PLCB4: variants seen among roughly 807,000 people sequenced by gnomAD.
PLCB4 encodes the protein phospholipase C beta 4, also known as 1-phosphatidylinositol 4,5-bisphosphate phosphodiesterase beta-4.
PLCB4 carries 77 observed loss-of-function variants against 178.8 expected under a neutral mutation model. The ratio of observed to expected loss-of-function variants is 0.43; its 90% CI spans 0.36 to 0.52. The LOEUF (loss-of-function observed/expected upper bound fraction) is 0.52. Among genes scored for constraint, PLCB4 ranks in the 20% least tolerant of loss-of-function variants. The pLI, the probability that PLCB4 is intolerant of heterozygous loss-of-function variation, is 0.00. For synonymous variants in PLCB4, 496 were observed against 490.8 expected (o/e 1.01, Z -0.14); for missense variants, 1,024 against 1,453.4 (o/e 0.70, Z 4.80).
intron 2 of PLCB4, among the ~76,000 whole-genome samples, chr20:9,104,504 C>T (rs1453726932): frequency 6.6e-6 from 1 of 152,122 alleles, no homozygotes; most frequent in African/African-American, 2.4e-5. Context: ...CAGTCCTTCT[C>T]ACCCGCAAAT....
chr20:9,137,321 C>T (rs533276624), intron 2 of PLCB4, among the ~76,000 whole-genome samples: 2 of 152,042 alleles, frequency 1.3e-5, no homozygotes, highest in Non-Finnish European at 2.9e-5. Flanking sequence ...TGAAATGAAA[C>T]AGCTAGAGAT....
At chr20:9,216,016 A>C (rs935664415) in intron 2 of PLCB4, among the ~76,000 whole-genome samples, 1 of 152,142 alleles carries the variant, frequency 6.6e-6, no homozygotes, top group Non-Finnish European at 1.5e-5. Context: ...TGAATGTACC[A>C]ACCTACCTGA....
chr20:9,380,360 T>C (rs2037038830), intron 13 of PLCB4, among the ~76,000 whole-genome samples, 198 bp downstream of exon 13: 2 of 152,204 alleles, frequency 1.3e-5, no homozygotes, highest in Admixed American at 1.3e-4. Flanking sequence ...TGAAGTATAC[T>C]GTTACATTTA....
At chr20:9,264,691 A>T (rs1310375744) in intron 3 of PLCB4, among the ~76,000 whole-genome samples, 1 of 152,186 alleles carries the variant, frequency 6.6e-6, no homozygotes, top group Non-Finnish European at 1.5e-5. Context: ...GGCATGTGGA[A>T]GTATTTGGAA....
At chr20:9,390,352 CCTT>C (rs2038040490) in intron 16 of PLCB4, among the ~76,000 whole-genome samples, 176 bp from the exon 17 acceptor site, 1 of 152,262 alleles carries the variant, frequency 6.6e-6, no homozygotes, top group Middle Eastern at 3.4e-3. Flanking sequence ...AACAGAATCT[CCTT>C]CTCCTTCTTT....
intron 2 of PLCB4, among the ~76,000 whole-genome samples, chr20:9,144,694 G>A (rs2092560158): frequency 9.0e-6 from 1 of 111,438 alleles, no homozygotes; most frequent in Non-Finnish European, 1.8e-5. Flanking sequence ...AGGGGGAGGA[G>A]GGGAAGGAGG....
rs947111039 is a variant in PLCB4 at position 9,135,584 on chromosome 20, T to C, written c.-79+39242T>C. ...TTCTAATTTCCCCACCTTGATTTTT[T>C]ATAGGTATATCCTATAATGGGTTAA... On this transcript the variant is annotated intron_variant, in intron 2 of 39. Coordinates refer to ENST00000378473, the MANE Select transcript of PLCB4 (RefSeq NM_001377142.1). 6.6e-5 allele frequency among the ~76,000 whole-genome samples: 10 copies of C among 152,266 alleles called. No homozygotes were observed. In the East Asian group the frequency reaches 1.5e-3, roughly 24 times the overall value.
At chr20:9,199,063 G>A (rs919451587) in intron 2 of PLCB4, among the ~76,000 whole-genome samples, 4 of 152,178 alleles carry the variant, frequency 2.6e-5, no homozygotes, top group Non-Finnish European at 5.9e-5. Context: ...AACATGGTGT[G>A]AGGAGCAGGA....
At chr20:9,388,258 A>G (rs1490276013) in intron 15 of PLCB4, among the ~76,000 whole-genome samples, 1 of 152,206 alleles carries the variant, frequency 6.6e-6, no homozygotes, top group Non-Finnish European at 1.5e-5. Flanking sequence ...ATAAGTAAAT[A>G]ATAAGATAAT....
At chr20:9,137,745 G>GTTTTTTTTTTTTTTTTTTTTT (rs10717027) in intron 2 of PLCB4, among the ~76,000 whole-genome samples, 1 of 139,994 alleles carries the variant, frequency 7.1e-6, no homozygotes. Flanking sequence ...TTTTTCTCAA[G>GTTTTTTTTTTTTTTTTTTTTT]TTTTTTTTTT....
intron 12 of PLCB4, among the ~76,000 whole-genome samples, chr20:9,373,709 A>AT (rs2036440203): frequency 6.6e-6 from 1 of 152,192 alleles, no homozygotes; most frequent in Admixed American, 6.5e-5. Context: ...CTCAGAGCTA[A>AT]TTTTAGAATG....
chr20:9,112,381 A>G (rs1166409282), intron 2 of PLCB4, among the ~76,000 whole-genome samples: 1 of 151,672 alleles, frequency 6.6e-6, no homozygotes, highest in African/African-American at 2.4e-5. Flanking sequence ...CAGCCTCCCA[A>G]GTAGCTGGGA....
intron 2 of PLCB4, among the ~76,000 whole-genome samples, chr20:9,206,345 C>G (rs76096040): frequency 0.07 from 9,733 of 139,182 alleles, 421 homozygotes; most frequent in East Asian, 0.17. Flanking sequence ...AGTAAGAAAC[C>G]CTTTGTATTT....
intron 1 of PLCB4, among the ~76,000 whole-genome samples, chr20:9,069,720 C>A (rs962941881): frequency 6.6e-6 from 1 of 152,114 alleles, no homozygotes; most frequent in Admixed American, 6.5e-5. Flanking sequence ...TTGCTTTAAC[C>A]AATTAGACTC....
chr20:9,450,586 T>G (rs1456474109), intron 32 of PLCB4, among the ~76,000 whole-genome samples: 2 of 152,094 alleles, frequency 1.3e-5, no homozygotes, highest in African/African-American at 4.8e-5. Flanking sequence ...TTTAGTAACC[T>G]TGCATCTCAT....
chr20:9,418,095 T>C (rs1218794048), intron 25 of PLCB4, among the ~76,000 whole-genome samples: 2 of 152,178 alleles, frequency 1.3e-5, no homozygotes, highest in African/African-American at 4.8e-5. Flanking sequence ...GATATATGAA[T>C]TGCAAATTTT....
At chr20:9,463,657 C>T (rs1478598092) in intron 35 of PLCB4, among the ~76,000 whole-genome samples, 1 of 138,714 alleles carries the variant, frequency 7.2e-6, no homozygotes, top group African/African-American at 2.7e-5. Flanking sequence ...AGACTTTAAA[C>T]CAACAAAGAT....
intron 7 of PLCB4, among the ~76,000 whole-genome samples, chr20:9,344,240 C>T (rs1343412163): frequency 1.3e-5 from 2 of 152,112 alleles, no homozygotes; most frequent in Non-Finnish European, 2.9e-5. Flanking sequence ...GTGCTCTTTC[C>T]CAGTTACACA....
intron 28 of PLCB4, among the ~76,000 whole-genome samples, chr20:9,428,941 T>C (rs1173179835): frequency 6.6e-6 from 1 of 152,154 alleles, no homozygotes; most frequent in Non-Finnish European, 1.5e-5. Context: ...GACACCTACA[T>C]TGATGCTTTC....
Sources: gnomAD v4.1 joint callset for allele counts (sites outside exome capture counted in the v4.1 genomes callset) on GRCh38, gnomAD v4.1.1 for gene constraint, MANE v1.5 for transcripts, NCBI Gene and HGNC (gene_info 2026-07-23, HGNC 2026-07-21) for gene names.